The following LTBP1 variants were observed in gnomAD, a reference collection of about 807,000 sequenced individuals.
The protein encoded by LTBP1 is latent transforming growth factor beta binding protein 1, also known as latent-transforming growth factor beta-binding protein 1.
Under a neutral mutation model 207.6 loss-of-function variants are expected in LTBP1, and 129 were observed. The observed-to-expected ratio is 0.62, with a 90% CI of 0.54 to 0.72. The LOEUF (loss-of-function observed/expected upper bound fraction) is 0.72. Ranked by LOEUF, LTBP1 falls within the 30% of genes least tolerant of loss-of-function variation. The probability of loss-of-function intolerance (pLI) is 0.00; values close to 1 mark genes in which losing one functional copy is unlikely to be tolerated. For synonymous variants in LTBP1, 963 were observed against 833.7 expected (o/e 1.16, Z -2.67); for missense variants, 2,281 against 2,217.2 (o/e 1.03, Z -0.58).
chr2:32,992,768 C>T (rs1425445191), intron 2 of LTBP1, among the ~76,000 whole-genome samples: 1 of 152,050 alleles, frequency 6.6e-6, no homozygotes, highest in Non-Finnish European at 1.5e-5. Flanking sequence ...TGTGATAGGC[C>T]TCAGGAGGAG....
intron 15 of LTBP1, 71 bp from the exon 16 acceptor site, chr2:33,273,585 T>C (rs1410139733): frequency 3.9e-6 from 5 of 1,284,802 alleles, no homozygotes; most frequent in Non-Finnish European, 5.3e-6. Context: ...CTCAAAGTAA[T>C]ACTTTGAGAG....
intron 20 of LTBP1, among the ~76,000 whole-genome samples, chr2:33,297,463 G>A (rs142929123): frequency 0.14 from 21,545 of 150,166 alleles, 2,191 homozygotes; most frequent in African/African-American, 0.28. Context: ...ATGGAGTCTC[G>A]CTTTGTCGCC....
chr2:33,173,127 T>C (rs1353937782), intron 5 of LTBP1, among the ~76,000 whole-genome samples: 1 of 152,186 alleles, frequency 6.6e-6, no homozygotes. Flanking sequence ...ATTCAAAAGC[T>C]AGCAGAAGGC....
intron 10 of LTBP1, among the ~76,000 whole-genome samples, chr2:33,245,937 G>A (rs1317469692): frequency 6.6e-6 from 1 of 152,110 alleles, no homozygotes; most frequent in African/African-American, 2.4e-5. Context: ...TAGAGTTGAG[G>A]GCAGACATCC....
At position 33,316,024 on chromosome 2, in the gene LTBP1, C is replaced by T. The variant is rs114640534; in HGVS notation, c.3730+755C>T. ...ATTCTTCCCCTAATATCCTTATTTC[C>T]AAGGCAGTATATTTACTTACCTACC... is the stretch of plus-strand genomic sequence containing the variant. On this transcript the variant is annotated intron_variant, in intron 24 of 33. Transcript: ENST00000404816. Among the ~76,000 whole-genome samples, 1,477 of 152,242 alleles carry T rather than the reference C, an allele frequency of 9.7e-3. 30 individuals carry two copies. The highest frequency in any genetic ancestry group is 0.034 in the African/African-American group (1,403 of 41,552).
intron 2 of LTBP1, among the ~76,000 whole-genome samples, chr2:32,956,180 G>A (rs1331019929): frequency 6.6e-6 from 1 of 152,104 alleles, no homozygotes; most frequent in Non-Finnish European, 1.5e-5. Flanking sequence ...AAGTTGGGGT[G>A]GCTGTGACAC....
At position 33,104,570 on chromosome 2, in the gene LTBP1, A is replaced by G. The variant is rs115004175; in HGVS notation, c.864-6012A>G. ...TCCTCCTAGAAACTTTCTTCCACTT[A>G]CCATTTTTGAACTGACTCGATCCTT... On this transcript the variant is annotated intron_variant, in intron 3 of 33. Transcript: ENST00000404816. 8.0e-3 allele frequency among the ~76,000 whole-genome samples: 1,212 copies of G among 152,028 alleles called. 11 individuals are homozygous for G. Among genetic ancestry groups the G allele is most frequent in the Middle Eastern group, 0.01 (3 of 294 alleles).
chr2:33,389,013 A>G lies in LTBP1; in HGVS notation c.4712-171A>G, dbSNP rs1236808318. 3.9e-5 allele frequency among the ~76,000 whole-genome samples: 6 copies of G among 152,230 alleles called. 1 individual carries two copies. Among genetic ancestry groups the G allele is most frequent in the Admixed American group, 1.3e-4 (2 of 15,278 alleles). ...CAGCAGTCGTTGTACGTGGATGCAT[A>G]AAATTCCCATCAAAAGATATTCAGA... On this transcript the variant is annotated intron_variant, in intron 31 of 33. Transcript: ENST00000404816.
intron 7 of LTBP1, among the ~76,000 whole-genome samples, chr2:33,206,929 T>G (rs928700531): frequency 1.3e-5 from 2 of 152,132 alleles, no homozygotes; most frequent in African/African-American, 4.8e-5. Flanking sequence ...ACTCACCATC[T>G]AGTACTAGGA....
In LTBP1 at chr2:32,986,007, A is replaced by G. The variant is rs1043664036; in HGVS notation, c.566-34902A>G. On this transcript the variant is annotated intron_variant, in intron 2 of 33. Transcript: ENST00000404816. Reference sequence around the variant, plus strand: ...GGGTTTCTAAGGGTGTTTTTTTCCTATCAATTGCAAGTACAAAAAATGTTC... The same window carrying G: ...GGGTTTCTAAGGGTGTTTTTTTCCTGTCAATTGCAAGTACAAAAAATGTTC... Among the ~76,000 whole-genome samples, 3 of 152,100 alleles carry G rather than the reference A, an allele frequency of 2.0e-5. No individual in the cohort carries two copies. The East Asian group carries it at 5.8e-4, about 29-fold the overall frequency.
chr2:33,089,155 C>CAAAA (rs61009791), intron 3 of LTBP1, among the ~76,000 whole-genome samples: 1 of 96,400 alleles, frequency 1.0e-5, no homozygotes, highest in African/African-American at 3.7e-5. Context: ...GACTCAGTCT[C>CAAAA]AAAAAAAAAA....
At chr2:33,251,735 T>G (rs960842299) in intron 10 of LTBP1, among the ~76,000 whole-genome samples, 1 of 151,234 alleles carries the variant, frequency 6.6e-6, no homozygotes, top group Non-Finnish European at 1.5e-5. Flanking sequence ...AAAACCTCAT[T>G]TGTATGGTGA....
chr2:33,000,860 G>C (rs1250923347), intron 2 of LTBP1, among the ~76,000 whole-genome samples: 1 of 134,406 alleles, frequency 7.4e-6, no homozygotes, highest in African/African-American at 2.6e-5. Context: ...TGACAGGAGG[G>C]GGGGTTCAAA....
chr2:33,146,103 C>T (rs1374018325), intron 5 of LTBP1, among the ~76,000 whole-genome samples: 1 of 152,104 alleles, frequency 6.6e-6, no homozygotes, highest in Non-Finnish European at 1.5e-5. Flanking sequence ...TAATAGTGTC[C>T]AATTTACGTA....
rs972165323 is a variant in LTBP1 at position 33,259,087 on chromosome 2, C to G, written c.2396-501C>G. Among the ~76,000 whole-genome samples the G allele has an allele frequency of 2.0e-5, 3 of 152,114 alleles. No individual in the cohort carries two copies. The East Asian group carries it at 5.8e-4, about 29-fold the overall frequency. The stretch of plus-strand genomic sequence containing the variant: ...TATCTTTTTGAAAATATTCACGGGG[C>G]TTCATTAAAGATTGGAATACATCAA... On this transcript the variant is annotated intron_variant, in intron 12 of 33. Coordinates refer to ENST00000404816, the MANE Select transcript of LTBP1 (RefSeq NM_206943.4).
At chr2:33,237,143 A>G (rs929727210) in intron 9 of LTBP1, among the ~76,000 whole-genome samples, 2 of 152,218 alleles carry the variant, frequency 1.3e-5, no homozygotes, top group Non-Finnish European at 2.9e-5. Flanking sequence ...GCATTTCACA[A>G]AAATGTTTCC....
chr2:33,234,684 G>C (rs2091956671), intron 9 of LTBP1, among the ~76,000 whole-genome samples: 1 of 152,084 alleles, frequency 6.6e-6, no homozygotes, highest in South Asian at 2.1e-4. Flanking sequence ...TCCCCGTCAA[G>C]CTACCATTGA....
intron 31 of LTBP1, among the ~76,000 whole-genome samples, chr2:33,367,291 A>T (rs192223424): frequency 2.0e-5 from 3 of 152,312 alleles, no homozygotes; most frequent in African/African-American, 7.2e-5. Flanking sequence ...AACATCTGTT[A>T]TATCAAGATA....
chr2:33,186,810 T>C, intron 5 of LTBP1, 46 bp from the exon 6 acceptor site: 1 of 1,474,370 alleles, frequency 6.8e-7, no homozygotes. Context: ...TTACTTAGCC[T>C]CTGAGAGACT....
Sources: gnomAD v4.1 joint callset for allele counts (sites outside exome capture counted in the v4.1 genomes callset) on GRCh38, gnomAD v4.1.1 for gene constraint, MANE v1.5 for transcripts, NCBI Gene and HGNC (gene_info 2026-07-23, HGNC 2026-07-21) for gene names.